Variants in NCAPD3 observed in about 807,000 individuals in gnomAD.
The protein encoded by NCAPD3 is non-SMC condensin II complex subunit D3, also known as condensin-2 complex subunit D3.
Under a neutral mutation model 182.9 loss-of-function variants are expected in NCAPD3, and 105 were observed. That is an observed-to-expected ratio of 0.57 (90% CI 0.49 to 0.68). The LOEUF (loss-of-function observed/expected upper bound fraction) is 0.68, where lower values mean the gene tolerates loss of function less well. NCAPD3 is among the 30% of genes least tolerant of loss of function. NCAPD3 has a pLI of 0.00. For missense variants in NCAPD3, 1,944 were observed against 1,837.0 expected, an observed-to-expected ratio of 1.06 and a Z score of -1.07; for synonymous variants, 815 against 679.9, an observed-to-expected ratio of 1.20 and a Z score of -3.09.
intron 2 of NCAPD3, among the ~76,000 whole-genome samples, chr11:134,217,715 T>C (rs193044174): frequency 1.3e-5 from 2 of 152,336 alleles, no homozygotes; most frequent in Admixed American, 1.3e-4. Flanking sequence ...GAACTAAATA[T>C]GGTTTATCCT....
At chr11:134,186,199 T>C (rs1451238567) in intron 16 of NCAPD3, 2 of 152,206 alleles carry the variant, frequency 1.3e-5, no homozygotes, top group Non-Finnish European at 2.9e-5. Flanking sequence ...GTGTTTGTGT[T>C]ATATTACTAG....
At chr11:134,181,885 T>C (rs1182464977) in intron 19 of NCAPD3, among the ~76,000 whole-genome samples, 3 of 152,196 alleles carry the variant, frequency 2.0e-5, no homozygotes, top group African/African-American at 7.2e-5. Context: ...AATTATCTGC[T>C]GATGTGCACG....
chr11:134,205,560 A>G (rs930483592), intron 8 of NCAPD3, among the ~76,000 whole-genome samples: 16 of 152,066 alleles, frequency 1.1e-4, no homozygotes, highest in Middle Eastern at 6.8e-3. Flanking sequence ...ATTTTTTAGT[A>G]GAGACAGGGT....
intron 14 of NCAPD3, among the ~76,000 whole-genome samples, 185 bp downstream of exon 14, chr11:134,194,480 G>A (rs1195395393): frequency 6.6e-6 from 1 of 152,080 alleles, no homozygotes; most frequent in Non-Finnish European, 1.5e-5. Flanking sequence ...AACCCTGTAG[G>A]AAAGCTTAAA....
At chr11:134,164,441 G>A (rs1943696414) in intron 27 of NCAPD3, among the ~76,000 whole-genome samples, 2 of 152,248 alleles carry the variant, frequency 1.3e-5, no homozygotes, top group African/African-American at 4.8e-5. Context: ...GTCACCATCT[G>A]GCAAGAGTTA....
intron 16 of NCAPD3, among the ~76,000 whole-genome samples, chr11:134,189,973 A>G (rs1944490055): frequency 6.6e-6 from 1 of 152,110 alleles, no homozygotes; most frequent in Non-Finnish European, 1.5e-5. Context: ...TGGTTTTTAT[A>G]TCCAAAGATT....
At chr11:134,162,514 A>G (rs982375193) in intron 27 of NCAPD3, among the ~76,000 whole-genome samples, 2 of 152,230 alleles carry the variant, frequency 1.3e-5, no homozygotes, top group African/African-American at 2.4e-5. Context: ...GCACTATAGT[A>G]GCCCACATAT....
At chr11:134,188,681 C>T (rs1470173770) in intron 16 of NCAPD3, among the ~76,000 whole-genome samples, 5 of 152,132 alleles carry the variant, frequency 3.3e-5, no homozygotes, top group African/African-American at 9.7e-5. Context: ...GACCACGAAC[C>T]CACCAGAGGG....
At chr11:134,176,469 G>T in intron 23 of NCAPD3, 83 bp from the exon 24 acceptor site, 1 of 1,170,160 alleles carries the variant, frequency 8.5e-7, no homozygotes, top group South Asian at 1.2e-5. Context: ...CACCCACCAC[G>T]CGGTCTGTCC....
intron 3 of NCAPD3, among the ~76,000 whole-genome samples, chr11:134,214,319 G>C (rs973378550): frequency 3.9e-5 from 6 of 151,958 alleles, no homozygotes; most frequent in Admixed American, 3.3e-4. Flanking sequence ...ACAACTCAGA[G>C]ATGTAAGTAA....
intron 15 of NCAPD3, among the ~76,000 whole-genome samples, chr11:134,193,570 T>C (rs113102399): frequency 0.024 from 3,730 of 152,254 alleles, 160 homozygotes; most frequent in African/African-American, 0.084. Flanking sequence ...CTGGCCAACA[T>C]AGTGAAACCC....
chr11:134,203,109 C>A (rs376850131), intron 12 of NCAPD3, 33 bp downstream of exon 12: 43 of 1,464,180 alleles, frequency 2.9e-5, no homozygotes, highest in Non-Finnish European at 4.0e-5. Context: ...AAAAGATAAT[C>A]ATTCAATATT....
chr11:134,219,701 A>G (rs1252154216), intron 2 of NCAPD3, among the ~76,000 whole-genome samples: 1 of 152,196 alleles, frequency 6.6e-6, no homozygotes, highest in East Asian at 1.9e-4. Context: ...ATTAATAATA[A>G]TTTATATTTC....
At chr11:134,172,771 G>A (rs1338067046) in intron 24 of NCAPD3, among the ~76,000 whole-genome samples, 2 of 152,084 alleles carry the variant, frequency 1.3e-5, no homozygotes, top group South Asian at 4.1e-4. Flanking sequence ...CCGGGGTGGT[G>A]GCTCACGCCC....
chr11:134,161,914 GT>G, intron 27 of NCAPD3, 23 bp from the exon 28 acceptor site: 1 of 1,288,816 alleles, frequency 7.8e-7, no homozygotes, highest in Non-Finnish European at 1.1e-6. Flanking sequence ...ACAAAGACAT[GT>G]TTTAGATGTA....
At position 134,170,743 on chromosome 11, in the gene NCAPD3, T is replaced by C. The variant is rs182466512; in HGVS notation, c.3102-1689A>G. Among the ~76,000 whole-genome samples, 6 of 152,324 alleles carry C rather than the reference T, an allele frequency of 3.9e-5. No homozygotes were observed. The East Asian group carries it at 7.7e-4, about 20-fold the overall frequency. On this transcript the variant is annotated intron_variant, in intron 24 of 34. Transcript: ENST00000534548. ...AGTGAAAAACTTGCTGAACCATCTATACAAATAAATTCCATAGCAACATAA... is the reference window on the plus strand; with the variant it reads ...AGTGAAAAACTTGCTGAACCATCTACACAAATAAATTCCATAGCAACATAA...
In NCAPD3 at chr11:134,151,370, TAGAG is replaced by T. The variant is rs1050165606; in HGVS notation, c.*1570_*1573del. ...GTTCCCTCCATCATTGCCACCTTGG[TAGAG>T]AGGGATGGCTCCCCACCCTCAGCGT... On this transcript the variant is annotated 3_prime_UTR_variant, in exon 35 of 35. Coordinates refer to ENST00000534548, the MANE Select transcript of NCAPD3 (RefSeq NM_015261.3). The T allele has an allele frequency of 2.0e-5, 3 of 152,162 alleles. No homozygotes were observed. The highest frequency in any genetic ancestry group is 7.2e-5 in the African/African-American group (3 of 41,444). 9.4% of individuals were successfully genotyped at this position (152,162 alleles called of 1,614,324 possible). A position where few individuals can be genotyped will look rare whatever the true frequency, so the allele number is the denominator to read the frequency against.
intron 13 of NCAPD3, among the ~76,000 whole-genome samples, chr11:134,197,552 C>T (rs925187090): frequency 5.9e-5 from 9 of 152,194 alleles, no homozygotes; most frequent in Non-Finnish European, 1.3e-4. Flanking sequence ...GCTGGGATTA[C>T]AAGCATGAGC....
chr11:134,188,072 G>A (rs1430421673), intron 16 of NCAPD3, among the ~76,000 whole-genome samples: 1 of 152,158 alleles, frequency 6.6e-6, no homozygotes, highest in Non-Finnish European at 1.5e-5. Flanking sequence ...GTCAAGTGGG[G>A]ACATGGAGAA....
Sources: gnomAD v4.1 joint callset for allele counts (sites outside exome capture counted in the v4.1 genomes callset) on GRCh38, gnomAD v4.1.1 for gene constraint, MANE v1.5 for transcripts, NCBI Gene and HGNC (gene_info 2026-07-23, HGNC 2026-07-21) for gene names.